The following CPE variants were observed in gnomAD, a reference collection of about 807,000 sequenced individuals.
CPE encodes carboxypeptidase E, also known as carbocypeptidase E.
A neutral mutation model predicts 53.5 loss-of-function variants in CPE; 17 were observed. That is an observed-to-expected ratio of 0.32 (90% CI 0.22 to 0.48). CPE has a LOEUF of 0.48. Among genes scored for constraint, CPE ranks in the 20% least tolerant of loss-of-function variants. CPE has a pLI of 0.99. For missense variants in CPE, 524 were observed against 614.7 expected, an observed-to-expected ratio of 0.85 and a Z score of 1.56; for synonymous variants, 226 against 228.8, an observed-to-expected ratio of 0.99 and a Z score of 0.11.
rs1419944696 is a variant in CPE at position 165,495,567 on chromosome 4, G to A, written c.1222G>A (p.Gly408Ser). ...ATTCTGCCTTCCTACAGCAAAGGAT[G>A]GTGATTACTGGAGATTGCTTATACC... ...IDHDVTSAKD[G>S]DYWRLLIPGN... Residue 408 changes from glycine (G) to serine (S), a missense_variant, in exon 8 of 9, where the codon GGT (glycine) becomes AGT (serine). By Grantham distance (56) the Gly-to-Ser change is moderately conservative. Coordinates refer to ENST00000402744, the MANE Select transcript of CPE (RefSeq NM_001873.4). The A allele has an allele frequency of 6.2e-7, 1 of 1,607,136 alleles. No individual in the cohort carries two copies. Among genetic ancestry groups the A allele is most frequent in the Non-Finnish European group, 8.5e-7 (1 of 1,175,116 alleles).
At chr4:165,412,275 AT>A (rs999930206) in intron 1 of CPE, among the ~76,000 whole-genome samples, 3 of 152,214 alleles carry the variant, frequency 2.0e-5, no homozygotes, top group Non-Finnish European at 4.4e-5. Flanking sequence ...TTTTAAAAAT[AT>A]GATTTTTTTG....
At chr4:165,464,817 T>G (rs938658280) in intron 2 of CPE, among the ~76,000 whole-genome samples, 16 of 152,182 alleles carry the variant, frequency 1.1e-4, no homozygotes, top group Non-Finnish European at 1.5e-5. Context: ...TGTTAAGAAG[T>G]TAATGTTCTA....
intron 1 of CPE, among the ~76,000 whole-genome samples, chr4:165,462,428 A>C (rs181722881): frequency 6.6e-6 from 1 of 152,272 alleles, no homozygotes; most frequent in African/African-American, 2.4e-5. Context: ...ATGAAGCTTC[A>C]AAGTTGTTTT....
At chr4:165,485,118 T>C (rs1732485110) in intron 5 of CPE, among the ~76,000 whole-genome samples, 1 of 152,172 alleles carries the variant, frequency 6.6e-6, no homozygotes, top group Non-Finnish European at 1.5e-5. Context: ...AGGTAGCTTT[T>C]TGCCTTTTAG....
chr4:165,421,745 A>G (rs1731228839), intron 1 of CPE, among the ~76,000 whole-genome samples: 1 of 152,234 alleles, frequency 6.6e-6, no homozygotes. Context: ...ATGATTTAGA[A>G]CACAAATTAC....
At chr4:165,426,249 A>G (rs1560878335) in intron 1 of CPE, among the ~76,000 whole-genome samples, 1 of 152,228 alleles carries the variant, frequency 6.6e-6, no homozygotes, top group Non-Finnish European at 1.5e-5. Context: ...GTAAAATTGA[A>G]CGTTAGATTA....
chr4:165,466,427 A>G (rs1732105124), intron 2 of CPE, among the ~76,000 whole-genome samples: 1 of 152,212 alleles, frequency 6.6e-6, no homozygotes, highest in South Asian at 2.1e-4. Flanking sequence ...GTACACTACT[A>G]TAGAATTTAT....
At chr4:165,490,608 C>T (rs548139344) in intron 6 of CPE, among the ~76,000 whole-genome samples, 29 of 119,954 alleles carry the variant, frequency 2.4e-4, no homozygotes, top group Admixed American at 5.7e-4. Flanking sequence ...CCAGCCTGGG[C>T]GACAGAGCGA....
At chr4:165,427,212 G>T (rs375117208) in intron 1 of CPE, among the ~76,000 whole-genome samples, 12 of 152,234 alleles carry the variant, frequency 7.9e-5, no homozygotes, top group Admixed American at 3.3e-4. Context: ...AATTATCTGT[G>T]CCTGCAGCTT....
chr4:165,497,027 AT>A, intron 8 of CPE, among the ~76,000 whole-genome samples: 2 of 152,232 alleles, frequency 1.3e-5, no homozygotes, highest in East Asian at 3.9e-4. Context: ...GGTTCAAGAA[AT>A]TCTCCTGCCT....
chr4:165,379,183 C>T lies in CPE; in HGVS notation c.-39C>T. 8.2e-7 allele frequency: 1 copy of T among 1,221,278 alleles called. No homozygotes were observed. Among genetic ancestry groups the T allele is most frequent in the Non-Finnish European group, 1.0e-6 (1 of 982,760 alleles). 75.7% of individuals were successfully genotyped at this position (1,221,278 alleles called of 1,614,324 possible). A position where few individuals can be genotyped will look rare whatever the true frequency, so the allele number is the denominator to read the frequency against. On this transcript the variant is annotated 5_prime_UTR_variant, in exon 1 of 9. Transcript: ENST00000402744. This position sits in a 1 kb window ranked among gnomAD's most constrained non-coding sequence, Gnocchi z 6.0. ...GGCCGGGCAGACAAAAGAGGCCGCC[C>T]GCGTAGGAAGGCACGGCCGGCGGCG...
chr4:165,422,105 A>G (rs1327412658), intron 1 of CPE, among the ~76,000 whole-genome samples: 2 of 152,158 alleles, frequency 1.3e-5, no homozygotes, highest in African/African-American at 2.4e-5. Flanking sequence ...TCAATGATTA[A>G]AAGAACTTAA....
At chr4:165,482,418 T>C (rs1424387196) in intron 4 of CPE, 59 bp downstream of exon 4, 2 of 1,227,450 alleles carry the variant, frequency 1.6e-6, no homozygotes, top group East Asian at 4.7e-5. Flanking sequence ...TACAAGGTTT[T>C]ATAAGATGAT....
At chr4:165,489,574 G>C (rs1266617194) in intron 6 of CPE, among the ~76,000 whole-genome samples, 2 of 152,176 alleles carry the variant, frequency 1.3e-5, no homozygotes, top group Admixed American at 6.5e-5. Context: ...TTTGGAAAAG[G>C]CTTCTTGGAG....
intron 1 of CPE, among the ~76,000 whole-genome samples, chr4:165,390,221 A>C (rs17586229): frequency 1.3e-5 from 2 of 152,144 alleles, no homozygotes; most frequent in African/African-American, 2.4e-5. Context: ...TTTGTCACCA[A>C]CTGGGTCTTA....
rs11357652 is a variant in CPE at position 165,455,655 on chromosome 4, ATT to A, written c.308-8721_308-8720del. ...CAATGTTCTTAAACAAGTCAAAGGT[ATT>A]TTTTTTTTTTTTTGAGACAGAGTCT... On this transcript the variant is annotated intron_variant, in intron 1 of 8. Transcript: ENST00000402744. 2.1e-3 allele frequency among the ~76,000 whole-genome samples: 298 copies of A among 141,996 alleles called. 1 individual carries two copies. The highest frequency in any genetic ancestry group is 0.013 in the South Asian group (60 of 4,520). 93.2% of individuals were successfully genotyped at this position (141,996 alleles called of 152,430 possible).
chr4:165,414,593 G>A (rs1294066865), intron 1 of CPE, among the ~76,000 whole-genome samples: 2 of 151,930 alleles, frequency 1.3e-5, no homozygotes, highest in Non-Finnish European at 2.9e-5. Context: ...CCATCTTAAA[G>A]TAGTTTGATG....
At chr4:165,390,481 T>C (rs1221050862) in intron 1 of CPE, among the ~76,000 whole-genome samples, 1 of 152,228 alleles carries the variant, frequency 6.6e-6, no homozygotes, top group Non-Finnish European at 1.5e-5. Flanking sequence ...TTTAGAGGTG[T>C]TGAACATGTG....
At chr4:165,468,008 C>T (rs1304206143) in intron 3 of CPE, among the ~76,000 whole-genome samples, 153 bp downstream of exon 3, 1 of 152,066 alleles carries the variant, frequency 6.6e-6, no homozygotes, top group Admixed American at 6.5e-5. Flanking sequence ...GGGCTGGTGC[C>T]ATGAAATTTG....
Sources: gnomAD v4.1 joint callset for allele counts (sites outside exome capture counted in the v4.1 genomes callset) on GRCh38, gnomAD v4.1.1 for gene constraint, Gnocchi (gnomAD v3.1) non-coding constraint, MANE v1.5 for transcripts, NCBI Gene and HGNC (gene_info 2026-07-23, HGNC 2026-07-21) for gene names.